The following CHRNA6 variants were observed in gnomAD, a reference collection of about 807,000 sequenced individuals.
The protein encoded by CHRNA6 is neuronal acetylcholine receptor subunit alpha-6.
CHRNA6 carries 31 observed loss-of-function variants against 40.9 expected under a neutral mutation model. That is an observed-to-expected ratio of 0.76 (90% CI 0.57 to 1.02). CHRNA6 has a LOEUF of 1.02. Among genes scored for constraint, CHRNA6 ranks in the 50% least tolerant of loss-of-function variants. CHRNA6 has a pLI of 0.00. For missense variants in CHRNA6, 546 were observed against 596.6 expected, an observed-to-expected ratio of 0.92 and a Z score of 0.88; for synonymous variants, 222 against 221.3, an observed-to-expected ratio of 1.00 and a Z score of -0.03.
intron 3 of CHRNA6, among the ~76,000 whole-genome samples, chr8:42,758,448 C>T: frequency 6.6e-6 from 1 of 151,902 alleles, no homozygotes. Flanking sequence ...GCAACCTCTG[C>T]CTACTGGTTC....
intron 2 of CHRNA6, 137 bp downstream of exon 2, chr8:42,764,928 C>A (rs1459379982): frequency 2.2e-6 from 2 of 904,308 alleles, no homozygotes; most frequent in Non-Finnish European, 3.3e-6. Context: ...GGGAAAACTG[C>A]CTGCCTCCCA....
chr8:42,756,445 G>C lies in CHRNA6; in HGVS notation c.754C>G (p.Leu252Val). ...AACACGGTTAGAAATGAAATAAAGA[G>C]ACAAGGGATGATCAGATTAATCGTG... The part of the protein sequence containing the change: ...FYTINLIIPC[L>V]FISFLTVLVF... Residue 252 changes from leucine (L) to valine (V), a missense_variant, in exon 5 of 6, where the codon CTC (leucine) becomes GTC (valine). Coordinates refer to ENST00000276410, the MANE Select transcript of CHRNA6 (RefSeq NM_004198.3). 9.3e-6 allele frequency: 15 copies of C among 1,614,190 alleles called. No homozygotes were observed. Among genetic ancestry groups the C allele is most frequent in the Non-Finnish European group, 1.3e-5 (15 of 1,180,038 alleles).
At chr8:42,754,963 C>G (rs1222537726) in intron 5 of CHRNA6, among the ~76,000 whole-genome samples, 1 of 152,044 alleles carries the variant, frequency 6.6e-6, no homozygotes, top group Non-Finnish European at 1.5e-5. Flanking sequence ...GCACGCTGCT[C>G]CGAACTCATT....
At chr8:42,766,814 C>T (rs1374105986) in intron 1 of CHRNA6, among the ~76,000 whole-genome samples, 1 of 152,206 alleles carries the variant, frequency 6.6e-6, no homozygotes, top group Non-Finnish European at 1.5e-5. Context: ...ATGGGTTGAT[C>T]TGTGCACACC....
rs1586428723 is a variant in CHRNA6, at chr8:42,764,832, T to G, written c.219+233A>C. 5.9e-6 allele frequency: 3 copies of G among 512,360 alleles called. No individual in the cohort carries two copies. In the East Asian group the frequency reaches 9.7e-5, roughly 17 times the overall value. 31.7% of individuals were successfully genotyped at this position (512,360 alleles called of 1,614,324 possible). ...CCCCGTGAAGTTAGCTCCCTTTCAC[T>G]CCCCTGCAACTCTTTGTTTCGTAAA... On this transcript the variant is annotated intron_variant, in intron 2 of 5. Coordinates refer to ENST00000276410, the MANE Select transcript of CHRNA6 (RefSeq NM_004198.3).
intron 2 of CHRNA6, among the ~76,000 whole-genome samples, chr8:42,760,642 GCA>G (rs1032751216): frequency 6.6e-6 from 1 of 152,064 alleles, no homozygotes; most frequent in Non-Finnish European, 1.5e-5. Flanking sequence ...TCACAGTCAT[GCA>G]CACACACGCT....
At chr8:42,767,783 C>T (rs1489944493) in intron 1 of CHRNA6, among the ~76,000 whole-genome samples, 1 of 152,194 alleles carries the variant, frequency 6.6e-6, no homozygotes, top group Admixed American at 6.5e-5. Flanking sequence ...CAGATAAACC[C>T]TCCATCAGCC....
At position 42,768,385 on chromosome 8, in the gene CHRNA6, G is replaced by A. The variant is rs1012412400; in HGVS notation, c.46C>T (p.Leu16Phe). 36 of 1,613,944 alleles carry A rather than the reference G, an allele frequency of 2.2e-5. No individual in the cohort carries two copies. Among genetic ancestry groups the A allele is most frequent in the Non-Finnish European group, 3.1e-5 (36 of 1,179,916 alleles). ...GQGFLHGGLC[L>F]WLCVFTPFFK... is the part of the protein sequence containing the mutation. The stretch of plus-strand genomic sequence containing the variant: ...AAAGGTGTGAACACACACAGCCAGA[G>A]ACACAAGCCCCCATGAAGGAATCCC... The change falls in exon 1 of 6, where the codon CTC becomes TTC. Residue 16 changes from leucine (L) to phenylalanine (F), a missense_variant. Coordinates refer to ENST00000276410, the MANE Select transcript of CHRNA6 (RefSeq NM_004198.3).
At chr8:42,760,213 G>A (rs1195894600) in intron 2 of CHRNA6, among the ~76,000 whole-genome samples, 2 of 151,952 alleles carry the variant, frequency 1.3e-5, no homozygotes, top group Admixed American at 6.6e-5. Flanking sequence ...ACACACATAT[G>A]CACACACACG....
rs762787449 is a variant in CHRNA6 at position 42,760,334 on chromosome 8, A to ATG, written c.220-1223_220-1222dup. Among the ~76,000 whole-genome samples the ATG allele has an allele frequency of 3.6e-3, 434 of 119,864 alleles. 1 individual carries two copies. Among genetic ancestry groups the ATG allele is most frequent in the African/African-American group, 0.022 (368 of 17,112 alleles). The allele number at this position is 119,864 out of a possible 152,430, so 78.6% of individuals were successfully genotyped here. The stretch of plus-strand genomic sequence containing the variant: ...TACACACTCATGCACACTCACACTC[A>ATG]TGCGCACACACACTCGTGAACACAC... On this transcript the variant is annotated intron_variant, in intron 2 of 5. Transcript: ENST00000276410.
At chr8:42,762,760 G>A (rs1022012954) in intron 2 of CHRNA6, among the ~76,000 whole-genome samples, 1 of 152,182 alleles carries the variant, frequency 6.6e-6, no homozygotes, top group Non-Finnish European at 1.5e-5. Context: ...ATCTCTAAAG[G>A]ATGATGCTGA....
At chr8:42,761,065 C>T (rs1344146801) in intron 2 of CHRNA6, among the ~76,000 whole-genome samples, 2 of 152,206 alleles carry the variant, frequency 1.3e-5, no homozygotes, top group East Asian at 1.9e-4. Context: ...CCCTGGGCCA[C>T]GTGGCTGCCC....
chr8:42,757,732 C>CAAAA (rs34358773), intron 3 of CHRNA6, among the ~76,000 whole-genome samples: 5 of 105,192 alleles, frequency 4.8e-5, no homozygotes, highest in African/African-American at 9.6e-5. Context: ...GACTCTGTCT[C>CAAAA]AAAAAAAAAA....
intron 3 of CHRNA6, among the ~76,000 whole-genome samples, chr8:42,758,433 T>A (rs1327565752): frequency 6.6e-6 from 1 of 152,016 alleles, no homozygotes; most frequent in African/African-American, 2.4e-5. Flanking sequence ...CAATCTCAGC[T>A]CACTGCAACC....
Position 42,764,932 on chromosome 8 carries a change from C to A in CHRNA6, c.219+133G>T, listed in dbSNP as rs563953596. 6.9e-5 allele frequency: 65 copies of A among 937,400 alleles called. No homozygotes were observed. In the South Asian group the frequency reaches 1.1e-3, roughly 16 times the overall value. 58.1% of individuals were successfully genotyped at this position (937,400 alleles called of 1,614,324 possible). On this transcript the variant is annotated intron_variant, in intron 2 of 5. Transcript: ENST00000276410. ...ACAGCATTGGTGGGAAAACTGCCTG[C>A]CTCCCAAATGGATGGCTTTGAAGGG...
At chr8:42,758,313 TA>T (rs969131504) in intron 3 of CHRNA6, among the ~76,000 whole-genome samples, 10 of 150,950 alleles carry the variant, frequency 6.6e-5, no homozygotes, top group South Asian at 4.2e-4. Context: ...AGCTTTGAAT[TA>T]AAAAAAAATC....
Position 42,756,025 on chromosome 8 carries a change from G to C in CHRNA6, c.1174C>G (p.Leu392Val). The C allele has an allele frequency of 1.9e-6, 3 of 1,614,282 alleles. No homozygotes were observed. The highest frequency in any genetic ancestry group is 2.5e-6 in the Non-Finnish European group (3 of 1,180,054). ...KLASHGEPRH[L>V]KECFHCHKSN... The stretch of plus-strand genomic sequence containing the variant: ...TTGTGACAATGGAAGCATTCTTTAA[G>C]ATGTCTGGGTTCCCCATGGCTTGCA... Residue 392 changes from leucine (L) to valine (V), a missense_variant, in exon 5 of 6, where the codon CTT becomes GTT. Transcript: ENST00000276410.
chr8:42,766,155 A>G (rs1816972673), intron 1 of CHRNA6, among the ~76,000 whole-genome samples: 1 of 152,212 alleles, frequency 6.6e-6, no homozygotes, highest in Non-Finnish European at 1.5e-5. Context: ...TAGCAAAGAC[A>G]TGGAATCAAC....
At position 42,753,212 on chromosome 8, in the gene CHRNA6, T is replaced by A. The variant is rs779533211; in HGVS notation, c.1452A>T (p.Leu484=). The A allele has an allele frequency of 1.1e-5, 18 of 1,609,990 alleles. 1 individual carries two copies. In the East Asian group the frequency reaches 4.0e-4, roughly 36 times the overall value. Residue 484 remains leucine, a synonymous_variant, in exon 6 of 6, where the codon CTA becomes CTT. Transcript: ENST00000276410. ...TTCCTGTGTTCCCAAGTAGTGGCTG[T>A]AGAAATAGCCCTGCAGTTCCAAATA... ...VCVFGTAGLF[L]QPLLGNTGKS
Sources: gnomAD v4.1 joint callset for allele counts (sites outside exome capture counted in the v4.1 genomes callset) on GRCh38, gnomAD v4.1.1 for gene constraint, MANE v1.5 for transcripts, NCBI Gene and HGNC (gene_info 2026-07-23, HGNC 2026-07-21) for gene names.